Variants in RNF24 observed in about 807,000 individuals in gnomAD.
RNF24 encodes the protein ring finger protein 24.
RNF24 carries 14 observed loss-of-function variants against 20.0 expected under a neutral mutation model. The ratio of observed to expected loss-of-function variants is 0.70; its 90% CI spans 0.46 to 1.10. The LOEUF is 1.10. Among genes scored for constraint, RNF24 ranks in the 50% least tolerant of loss-of-function variants. RNF24 has a pLI of 0.00. For synonymous variants in RNF24, 45 were observed against 61.1 expected, an observed-to-expected ratio of 0.74 and a Z score of 1.23; for missense variants, 124 against 177.6, an observed-to-expected ratio of 0.70 and a Z score of 1.71.
chr20:3,967,854 G>A (rs2091274308), intron 1 of RNF24, among the ~76,000 whole-genome samples: 1 of 151,404 alleles, frequency 6.6e-6, no homozygotes, highest in South Asian at 2.1e-4. Flanking sequence ...TTAGCTGAGC[G>A]TGGTGACGCA....
chr20:3,961,360 G>T (rs1016629120), intron 2 of RNF24, among the ~76,000 whole-genome samples: 1 of 150,266 alleles, frequency 6.7e-6, no homozygotes, highest in Non-Finnish European at 1.5e-5. Context: ...TCATGTCACT[G>T]CACTCCAGCC....
At chr20:4,008,558 T>A (rs6052234) in intron 1 of RNF24, among the ~76,000 whole-genome samples, 84,479 of 120,726 alleles carry the variant, frequency 0.7, 29,917 homozygotes, top group South Asian at 0.79. Flanking sequence ...ATATATATAT[T>A]TTTTTTTGAG....
At chr20:3,938,876 T>G (rs1018617968) in intron 4 of RNF24, among the ~76,000 whole-genome samples, 1 of 152,056 alleles carries the variant, frequency 6.6e-6, no homozygotes, top group Non-Finnish European at 1.5e-5. Flanking sequence ...ACCTCCCAAA[T>G]AGCTGGGACT....
intron 2 of RNF24, 124 bp from the exon 3 acceptor site, chr20:3,948,403 A>G (rs2091045288): frequency 3.1e-6 from 2 of 652,460 alleles, no homozygotes; most frequent in Non-Finnish European, 2.5e-6. Flanking sequence ...ATAAATTAGA[A>G]TCTTTACCCT....
At chr20:3,947,863 A>G (rs2146960990) in intron 3 of RNF24, among the ~76,000 whole-genome samples, 1 of 152,254 alleles carries the variant, frequency 6.6e-6, no homozygotes, top group Admixed American at 6.5e-5. Context: ...CCTGACCAAC[A>G]TGGAGAAACC....
At chr20:3,987,439 G>A (rs529460631) in intron 1 of RNF24, among the ~76,000 whole-genome samples, 5 of 152,026 alleles carry the variant, frequency 3.3e-5, no homozygotes, top group Non-Finnish European at 7.4e-5. Flanking sequence ...AAATCAAAAC[G>A]CAACAGGACA....
intron 1 of RNF24, among the ~76,000 whole-genome samples, chr20:3,998,064 C>G (rs983568700): frequency 6.6e-6 from 1 of 152,202 alleles, no homozygotes; most frequent in Non-Finnish European, 1.5e-5. Flanking sequence ...ATCCTGTCCC[C>G]AACAGCTCAT....
At chr20:3,997,665 ATCT>A (rs1981000487) in intron 1 of RNF24, among the ~76,000 whole-genome samples, 1 of 151,992 alleles carries the variant, frequency 6.6e-6, no homozygotes, top group Non-Finnish European at 1.5e-5. Context: ...GGCTCAAGTG[ATCT>A]TCCTGCTTTG....
intron 1 of RNF24, among the ~76,000 whole-genome samples, chr20:4,008,496 T>TA (rs538899685): frequency 0.012 from 1,149 of 94,140 alleles, 18 homozygotes; most frequent in Non-Finnish European, 0.02. Flanking sequence ...TAATATAATA[T>TA]ATATATTATA....
chr20:4,001,366 T>C (rs1190822558), intron 1 of RNF24, among the ~76,000 whole-genome samples: 1 of 152,100 alleles, frequency 6.6e-6, no homozygotes, highest in Non-Finnish European at 1.5e-5. Context: ...TGAAAAAATA[T>C]TAAAATGATA....
At chr20:3,969,820 G>C (rs1296113682) in intron 1 of RNF24, among the ~76,000 whole-genome samples, 2 of 150,468 alleles carry the variant, frequency 1.3e-5, no homozygotes, top group Non-Finnish European at 3.0e-5. Flanking sequence ...CACCAGGCTG[G>C]AGTGCAGTGG....
chr20:4,006,753 G>A (rs904777992), intron 1 of RNF24, among the ~76,000 whole-genome samples: 6 of 152,322 alleles, frequency 3.9e-5, no homozygotes, highest in Middle Eastern at 3.4e-3. Context: ...GAGGGCCAGT[G>A]CAACTCTCTG....
chr20:3,984,602 CATCAGGGTTCCACCAGGGAAAAAGAG>C lies in RNF24; in HGVS notation c.-7-20604_-7-20579del, dbSNP rs552669524. The stretch of plus-strand genomic sequence containing the variant: ...TGTAAACTTAATTATTTGAAATAGA[CATCAGGGTTCCACCAGGGAAAAAGAG>C]ATCAGGGTTCAAAAATCTTTTATCT... On this transcript the variant is annotated intron_variant, in intron 1 of 5. Transcript: ENST00000358395. Among the ~76,000 whole-genome samples, 389 of 152,288 alleles carry C rather than the reference CATCAGGGTTCCACCAGGGAAAAAGAG, an allele frequency of 2.6e-3. 2 individuals are homozygous for C. Among genetic ancestry groups the C allele is most frequent in the African/African-American group, 8.9e-3 (368 of 41,546 alleles).
rs750845179 is a variant in RNF24 at position 3,929,830 on chromosome 20, T to G, written c.*4233A>C. The G allele has an allele frequency of 6.6e-6, 1 of 152,248 alleles. No homozygotes were observed. The highest frequency in any genetic ancestry group is 6.5e-5 in the Admixed American group (1 of 15,286). The allele number at this position is 152,248 out of a possible 1,614,324, so 9.4% of individuals were successfully genotyped here. A position where few individuals can be genotyped will look rare whatever the true frequency, so the allele number is the denominator to read the frequency against. On this transcript the variant is annotated 3_prime_UTR_variant, in exon 6 of 6. Coordinates refer to ENST00000358395, the MANE Select transcript of RNF24 (RefSeq NM_001134337.3). ...AAGGGAGGGACTGCAGATTCTGATT[T>G]GTACAGAAAACTAAAATTTCAGTAT...
At chr20:3,969,009 C>T (rs1196753723) in intron 1 of RNF24, among the ~76,000 whole-genome samples, 1 of 151,932 alleles carries the variant, frequency 6.6e-6, no homozygotes, top group African/African-American at 2.4e-5. Flanking sequence ...GGGGTTTAAC[C>T]ACGGATTTGT....
chr20:3,991,961 C>T (rs893429444), intron 1 of RNF24, among the ~76,000 whole-genome samples: 5 of 151,164 alleles, frequency 3.3e-5, no homozygotes, highest in African/African-American at 7.3e-5. Flanking sequence ...CACACACACA[C>T]GGAATTTCCA....
At chr20:4,008,516 T>C (rs1440012489) in intron 1 of RNF24, among the ~76,000 whole-genome samples, 13 of 116,864 alleles carry the variant, frequency 1.1e-4, no homozygotes, top group African/African-American at 3.7e-4. Context: ...ACATATTATA[T>C]ATTATATATA....
intron 1 of RNF24, among the ~76,000 whole-genome samples, chr20:3,982,351 G>A (rs1343372876): frequency 6.6e-6 from 1 of 151,696 alleles, no homozygotes; most frequent in Admixed American, 6.6e-5. Flanking sequence ...GCCGAGGCGG[G>A]CAGATCATGA....
intron 1 of RNF24, among the ~76,000 whole-genome samples, chr20:3,995,405 G>A (rs1273668603): frequency 6.6e-6 from 1 of 152,112 alleles, no homozygotes. Flanking sequence ...ACAGAATACT[G>A]AGAAACAGAC....
Sources: allele counts gnomAD v4.1 joint callset (sites outside exome capture counted in the v4.1 genomes callset), GRCh38; gene constraint gnomAD v4.1.1; transcripts MANE v1.5; gene names NCBI Gene and HGNC (gene_info 2026-07-23, HGNC 2026-07-21).